The following ABCA13 variants were observed in gnomAD, a reference collection of about 807,000 sequenced individuals.
ABCA13 encodes ATP binding cassette subfamily A member 13.
Under a neutral mutation model 478.7 loss-of-function variants are expected in ABCA13, and 476 were observed. The observed-to-expected ratio is 0.99, with a 90% CI of 0.92 to 1.07. The LOEUF (loss-of-function observed/expected upper bound fraction) is 1.07. Ranked by LOEUF, ABCA13 falls within the 50% of genes least tolerant of loss-of-function variation. The pLI is 0.00. For missense variants in ABCA13, 6,060 were observed against 5,910.6 expected (o/e 1.03, Z -0.83); for synonymous variants, 2,252 against 2,158.9 (o/e 1.04, Z -1.20).
chr7:48,505,350 G>T (rs1342912319), intron 48 of ABCA13, among the ~76,000 whole-genome samples: 1 of 152,064 alleles, frequency 6.6e-6, no homozygotes, highest in Non-Finnish European at 1.5e-5. Context: ...CTTTTTTGTA[G>T]GCTTACTTAT....
intron 1 of ABCA13, among the ~76,000 whole-genome samples, chr7:48,179,109 G>A (rs1360328338): frequency 6.6e-6 from 1 of 151,914 alleles, no homozygotes; most frequent in Middle Eastern, 3.2e-3. Context: ...CCCTGGTAGA[G>A]TTATTTACTT....
intron 10 of ABCA13, 29 bp downstream of exon 10, chr7:48,241,095 G>A: frequency 6.2e-7 from 1 of 1,610,982 alleles, no homozygotes; most frequent in Non-Finnish European, 8.5e-7. Context: ...TTTGATTATT[G>A]ATTAGGTAGA....
At chr7:48,418,204 G>C (rs189891728) in intron 41 of ABCA13, among the ~76,000 whole-genome samples, 4 of 152,296 alleles carry the variant, frequency 2.6e-5, no homozygotes, top group African/African-American at 7.2e-5. Context: ...AAATACCTAA[G>C]ACTGCAACTG....
chr7:48,314,200 G>C (rs962482157), intron 25 of ABCA13, 32 bp from the exon 26 acceptor site: 2 of 1,602,648 alleles, frequency 1.2e-6, no homozygotes, highest in Admixed American at 1.7e-5. Flanking sequence ...AAGTCACTAT[G>C]TAATTGCAAT....
At chr7:48,636,656 C>A (rs1794660766) in intron 59 of ABCA13, among the ~76,000 whole-genome samples, 1 of 152,182 alleles carries the variant, frequency 6.6e-6, no homozygotes, top group Non-Finnish European at 1.5e-5. Context: ...CCAAATGTAT[C>A]AATAATTCCA....
At chr7:48,290,947 A>G (rs1158220543) in intron 20 of ABCA13, among the ~76,000 whole-genome samples, 1 of 148,698 alleles carries the variant, frequency 6.7e-6, no homozygotes, top group East Asian at 2.0e-4. Context: ...AGGGAAAAAA[A>G]AAAAAAAAAA....
intron 48 of ABCA13, among the ~76,000 whole-genome samples, chr7:48,503,012 T>C (rs548989138): frequency 6.6e-6 from 1 of 152,340 alleles, no homozygotes; most frequent in South Asian, 2.1e-4. Context: ...ATGTTTAGTA[T>C]GCAAAACATT....
intron 57 of ABCA13, among the ~76,000 whole-genome samples, chr7:48,591,037 C>A (rs1342280402): frequency 6.6e-6 from 1 of 151,738 alleles, no homozygotes. Context: ...AAAAAAGAAA[C>A]AAGCAAAACA....
intron 43 of ABCA13, among the ~76,000 whole-genome samples, chr7:48,462,451 C>CCA (rs1380734148): frequency 6.6e-6 from 1 of 151,938 alleles, no homozygotes; most frequent in Non-Finnish European, 1.5e-5. Context: ...ATTCCCCCCC[C>CCA]CCTACTGTTT....
At chr7:48,645,328 A>G in intron 61 of ABCA13, 89 bp from the exon 62 acceptor site, 1 of 986,166 alleles carries the variant, frequency 1.0e-6, no homozygotes, top group African/African-American at 1.6e-5. Context: ...CAAGTTGGCC[A>G]GTGTTCTGAG....
chr7:48,541,380 C>G (rs1833932952), intron 55 of ABCA13, among the ~76,000 whole-genome samples: 1 of 152,020 alleles, frequency 6.6e-6, no homozygotes, highest in African/African-American at 2.4e-5. Context: ...TTTGTGGCTC[C>G]TGAACACCAT....
intron 22 of ABCA13, 80 bp downstream of exon 22, chr7:48,297,391 A>G (rs919971866): frequency 5.3e-5 from 71 of 1,331,714 alleles, no homozygotes; most frequent in Non-Finnish European, 6.9e-5. Context: ...AAAATAAAAC[A>G]TACAACAGAA....
In ABCA13 at chr7:48,550,653, G is replaced by A. The variant is rs190774946; in HGVS notation, c.14354+22308G>A. 4.5e-4 allele frequency among the ~76,000 whole-genome samples: 69 copies of A among 151,804 alleles called. No homozygotes were observed. In the East Asian group the frequency reaches 9.1e-3, roughly 20 times the overall value. On this transcript the variant is annotated intron_variant, in intron 55 of 61. Coordinates refer to ENST00000435803, the MANE Select transcript of ABCA13 (RefSeq NM_152701.5). ...TTTTCAGTGGATGATGCCACTGGCT[G>A]AATAATACTGTGAATCCATCTATTT... is the stretch of plus-strand genomic sequence containing the variant.
At chr7:48,282,863 G>T (rs964804497) in intron 19 of ABCA13, among the ~76,000 whole-genome samples, 1 of 152,164 alleles carries the variant, frequency 6.6e-6, no homozygotes, top group Non-Finnish European at 1.5e-5. Context: ...CAGAGACTGT[G>T]CCTGTCTATT....
chr7:48,341,100 G>T (rs1263467828), intron 29 of ABCA13, among the ~76,000 whole-genome samples: 1 of 152,122 alleles, frequency 6.6e-6, no homozygotes, highest in East Asian at 1.9e-4. Flanking sequence ...ACAGTATGAG[G>T]AGATAAATGT....
At chr7:48,330,040 TC>T (rs1445515967) in intron 27 of ABCA13, among the ~76,000 whole-genome samples, 31 of 142,404 alleles carry the variant, frequency 2.2e-4, no homozygotes, top group African/African-American at 8.2e-4. Context: ...TATCCATCCA[TC>T]CATCCATCCA....
At chr7:48,499,545 G>A (rs780534484) in intron 48 of ABCA13, among the ~76,000 whole-genome samples, 1 of 152,128 alleles carries the variant, frequency 6.6e-6, no homozygotes, top group Non-Finnish European at 1.5e-5. Flanking sequence ...AACAGAGTCT[G>A]GAAACCATAA....
At chr7:48,603,755 C>G (rs1018887273) in intron 58 of ABCA13, 21 of 158,058 alleles carry the variant, frequency 1.3e-4, no homozygotes, top group South Asian at 8.7e-4. Flanking sequence ...AAATGAGTTA[C>G]AGAGGATTCC....
intron 27 of ABCA13, among the ~76,000 whole-genome samples, chr7:48,332,635 A>G (rs531780803): frequency 3.7e-4 from 56 of 152,068 alleles, no homozygotes; most frequent in African/African-American, 1.4e-3. Context: ...TCCGTTTCAT[A>G]TTTTCATTTT....
Sources: allele counts gnomAD v4.1 joint callset (sites outside exome capture counted in the v4.1 genomes callset), GRCh38; gene constraint gnomAD v4.1.1; transcripts MANE v1.5; gene names NCBI Gene and HGNC (gene_info 2026-07-23, HGNC 2026-07-21).